Variants in DLC1 observed in about 807,000 individuals in gnomAD.
DLC1 encodes the protein rho GTPase-activating protein 7.
DLC1 carries 54 observed loss-of-function variants against 140.3 expected under a neutral mutation model. The observed-to-expected ratio is 0.38, with a 90% confidence interval of 0.31 to 0.48. The LOEUF is 0.48. Among genes scored for constraint, DLC1 ranks in the 20% least tolerant of loss-of-function variants. DLC1 has a pLI of 0.96. For synonymous variants in DLC1, 986 were observed against 728.1 expected, an observed-to-expected ratio of 1.35 and a Z score of -5.70; for missense variants, 2,536 against 1,907.0, an observed-to-expected ratio of 1.33 and a Z score of -6.14.
chr8:13,567,054 G>C, intron 1 of DLC1: 1 of 1,551,730 alleles, frequency 6.4e-7, no homozygotes, highest in Non-Finnish European at 8.7e-7. Context: ...TTTCTGATGA[G>C]ACTGAGACTT....
At chr8:13,480,258 C>T (rs1800662351) in intron 2 of DLC1, among the ~76,000 whole-genome samples, 1 of 151,920 alleles carries the variant, frequency 6.6e-6, no homozygotes. Flanking sequence ...CCCATAAAAG[C>T]TTAAAAATAT....
chr8:13,178,497 G>C (rs62494872), intron 5 of DLC1, among the ~76,000 whole-genome samples: 1 of 151,230 alleles, frequency 6.6e-6, no homozygotes, highest in Non-Finnish European at 1.5e-5. Context: ...GCGTGAACCC[G>C]GGAGGCAGAG....
intron 5 of DLC1, chr8:13,214,730 T>C: frequency 3.8e-6 from 3 of 780,912 alleles, no homozygotes; most frequent in Admixed American, 1.7e-5. Flanking sequence ...TTGGATCCCT[T>C]TGTGCTCTTA....
intron 5 of DLC1, among the ~76,000 whole-genome samples, chr8:13,297,960 G>T (rs1459319096): frequency 1.3e-5 from 2 of 152,024 alleles, no homozygotes; most frequent in African/African-American, 4.8e-5. Context: ...AATGCATCAA[G>T]TCTGGGCTTT....
Position 13,158,248 on chromosome 8 carries a change from G to C in DLC1, c.1349-42591C>G, listed in dbSNP as rs370747836. Among the ~76,000 whole-genome samples, 36 of 152,250 alleles carry C rather than the reference G, an allele frequency of 2.4e-4. No individual in the cohort carries two copies. The East Asian group carries it at 2.7e-3, about 11-fold the overall frequency. On this transcript the variant is annotated intron_variant, in intron 5 of 17. Coordinates refer to ENST00000276297, the MANE Select transcript of DLC1 (RefSeq NM_182643.3). ...ATTGTGTGTCTGACTTTTGTTAAGT[G>C]TACACTTATTTATGGGAGCCATATT...
chr8:13,209,236 C>A (rs903886624), intron 5 of DLC1, among the ~76,000 whole-genome samples: 4 of 152,058 alleles, frequency 2.6e-5, no homozygotes, highest in Non-Finnish European at 5.9e-5. Flanking sequence ...CCTATGTATC[C>A]TTATAAATCT....
At chr8:13,213,370 C>G (rs1230335201) in intron 5 of DLC1, among the ~76,000 whole-genome samples, 1 of 152,120 alleles carries the variant, frequency 6.6e-6, no homozygotes, top group Non-Finnish European at 1.5e-5. Flanking sequence ...ACAACAGAAG[C>G]CTCTATATTT....
At chr8:13,565,727 A>C (rs1349062500) in intron 1 of DLC1, among the ~76,000 whole-genome samples, 3 of 152,182 alleles carry the variant, frequency 2.0e-5, no homozygotes, top group Admixed American at 2.0e-4. Context: ...ACTGAGAAAG[A>C]AGGGTGTCTA....
chr8:13,245,668 A>G lies in DLC1; in HGVS notation c.1348+59601T>C, dbSNP rs183652431. On this transcript the variant is annotated intron_variant, in intron 5 of 17. Coordinates refer to ENST00000276297, the MANE Select transcript of DLC1 (RefSeq NM_182643.3). ...ATCAGAAATTGTTTAGATAAATGCAAACTTTTAAAATTTTTTTATTATTTT... is the reference window on the plus strand; with the variant it reads ...ATCAGAAATTGTTTAGATAAATGCAGACTTTTAAAATTTTTTTATTATTTT... 1.1e-4 allele frequency among the ~76,000 whole-genome samples: 16 copies of G among 152,134 alleles called. No individual in the cohort carries two copies. The East Asian group carries it at 2.9e-3, about 28-fold the overall frequency.
intron 2 of DLC1, among the ~76,000 whole-genome samples, chr8:13,428,964 C>T (rs75897220): frequency 7.9e-5 from 12 of 152,214 alleles, no homozygotes; most frequent in South Asian, 2.1e-4. Context: ...AAATAAGTTC[C>T]GTAGAATCAT....
In DLC1 at chr8:13,142,230, A is replaced by G. The variant is rs563319149; in HGVS notation, c.1349-26573T>C. 7.2e-5 allele frequency among the ~76,000 whole-genome samples: 11 copies of G among 152,316 alleles called. No individual in the cohort carries two copies. The East Asian group carries it at 1.2e-3, about 16-fold the overall frequency. ...AACCACTTTCCTTTATAAATTACCC[A>G]GTCTTGGGTATTTCTTTATAGCAGT... On this transcript the variant is annotated intron_variant, in intron 5 of 17. Coordinates refer to ENST00000276297, the MANE Select transcript of DLC1 (RefSeq NM_182643.3).
At chr8:13,396,054 T>C (rs1837026291) in intron 3 of DLC1, among the ~76,000 whole-genome samples, 1 of 116,852 alleles carries the variant, frequency 8.6e-6, no homozygotes. Flanking sequence ...CATTAATTTC[T>C]TTTCTTTCTT....
chr8:13,174,480 C>A (rs1336109041), intron 5 of DLC1, among the ~76,000 whole-genome samples: 1 of 152,182 alleles, frequency 6.6e-6, no homozygotes, highest in Non-Finnish European at 1.5e-5. Context: ...ACATTCCTAC[C>A]AACATTGTCT....
At chr8:13,441,533 G>A (rs534435538) in intron 2 of DLC1, among the ~76,000 whole-genome samples, 1,906 of 152,196 alleles carry the variant, frequency 0.013, 34 homozygotes, top group African/African-American at 0.044. Flanking sequence ...AAATCAATGT[G>A]CAAAAATCAC....
At chr8:13,531,367 C>A (rs562259410) in intron 1 of DLC1, among the ~76,000 whole-genome samples, 293 of 152,246 alleles carry the variant, frequency 1.9e-3, no homozygotes, top group African/African-American at 6.7e-3. Flanking sequence ...GGGCGGATCA[C>A]CTGAAGTCAG....
At chr8:13,319,861 C>G (rs1446989504) in intron 4 of DLC1, among the ~76,000 whole-genome samples, 1 of 117,928 alleles carries the variant, frequency 8.5e-6, no homozygotes, top group Non-Finnish European at 1.6e-5. Context: ...CTCGCTCTTT[C>G]GCCCAGGCTG....
chr8:13,536,418 G>C (rs192772753), intron 1 of DLC1, among the ~76,000 whole-genome samples: 1 of 152,318 alleles, frequency 6.6e-6, no homozygotes, highest in African/African-American at 2.4e-5. Flanking sequence ...GTAGGTGAAA[G>C]ATGTGTATAT....
intron 2 of DLC1, among the ~76,000 whole-genome samples, chr8:13,467,175 G>T (rs1799977269): frequency 6.6e-6 from 1 of 152,080 alleles, no homozygotes; most frequent in Non-Finnish European, 1.5e-5. Flanking sequence ...AACTTTCACA[G>T]GTTTGCTAAA....
At chr8:13,092,377 G>C (rs542938206) in intron 13 of DLC1, among the ~76,000 whole-genome samples, 4 of 152,236 alleles carry the variant, frequency 2.6e-5, no homozygotes, top group Non-Finnish European at 4.4e-5. Flanking sequence ...TGAGGAAAAG[G>C]ATCAGTTCGA....
Sources: gnomAD v4.1 joint callset for allele counts (sites outside exome capture counted in the v4.1 genomes callset) on GRCh38, gnomAD v4.1.1 for gene constraint, MANE v1.5 for transcripts, NCBI Gene and HGNC (gene_info 2026-07-23, HGNC 2026-07-21) for gene names.